Variants in CCBE1 observed in about 807,000 individuals in gnomAD.
CCBE1 encodes collagen and calcium-binding EGF domain-containing protein 1.
In CCBE1, 37 loss-of-function variants were observed where a neutral mutation model predicts 50.0. That is an observed-to-expected ratio of 0.74 (90% CI 0.57 to 0.97). CCBE1 has a LOEUF of 0.97. Ranked by LOEUF, CCBE1 falls within the 50% of genes least tolerant of loss-of-function variation. The pLI is 0.00. For missense variants in CCBE1, 538 were observed against 523.8 expected, an observed-to-expected ratio of 1.03 and a Z score of -0.26; for synonymous variants, 234 against 203.7, an observed-to-expected ratio of 1.15 and a Z score of -1.27.
intron 2 of CCBE1, among the ~76,000 whole-genome samples, chr18:59,674,952 T>C (rs1015934991): frequency 5.9e-5 from 9 of 152,190 alleles, no homozygotes; most frequent in Admixed American, 1.3e-4. Context: ...TTTAATCATA[T>C]CCAGATTTTG....
intron 4 of CCBE1, 41 bp downstream of exon 4, chr18:59,469,432 C>CAACCATCTGA (rs749206000): frequency 2.4e-5 from 38 of 1,612,944 alleles, no homozygotes; most frequent in Non-Finnish European, 3.1e-5. Context: ...CTGAACAAGG[C>CAACCATCTGA]ACATGTTCAG....
chr18:59,627,748 C>T (rs1455608309), intron 2 of CCBE1, among the ~76,000 whole-genome samples: 1 of 152,208 alleles, frequency 6.6e-6, no homozygotes, highest in Non-Finnish European at 1.5e-5. Context: ...CCCCTAGTGC[C>T]TTCAGAGGAA....
intron 2 of CCBE1, among the ~76,000 whole-genome samples, chr18:59,583,143 T>G (rs9963371): frequency 0.018 from 2,720 of 152,278 alleles, 64 homozygotes; most frequent in African/African-American, 0.062. Context: ...AAGGCTAATT[T>G]CTAACCCTGT....
intron 2 of CCBE1, among the ~76,000 whole-genome samples, chr18:59,588,108 A>T (rs1292734465): frequency 6.6e-6 from 1 of 152,258 alleles, no homozygotes; most frequent in East Asian, 1.9e-4. Context: ...ATTTGATGCT[A>T]AAATTTACAT....
chr18:59,615,976 A>G lies in CCBE1; in HGVS notation c.212+80653T>C, dbSNP rs186378065. Reference sequence around the variant, plus strand: ...CCATGGCCATATTGGGATCAAGAGGAAAGTCTAAAGGCATCACAGAATCTC... The same window carrying G: ...CCATGGCCATATTGGGATCAAGAGGGAAGTCTAAAGGCATCACAGAATCTC... On this transcript the variant is annotated intron_variant, in intron 2 of 10. Transcript: ENST00000439986. 3.0e-4 allele frequency among the ~76,000 whole-genome samples: 45 copies of G among 152,336 alleles called. No homozygotes were observed. The East Asian group carries it at 8.1e-3, about 27-fold the overall frequency.
intron 2 of CCBE1, among the ~76,000 whole-genome samples, chr18:59,622,554 G>C (rs1027295849): frequency 2.6e-5 from 4 of 150,944 alleles, no homozygotes; most frequent in African/African-American, 9.8e-5. Context: ...TGTAATCCCA[G>C]CACTTTGGGA....
rs144677102 is a variant in CCBE1, at chr18:59,553,929, G to T, written c.213-73691C>A. Among the ~76,000 whole-genome samples the T allele has an allele frequency of 2.4e-3, 370 of 152,324 alleles. 2 individuals are homozygous for T. Among genetic ancestry groups the T allele is most frequent in the African/African-American group, 8.5e-3 (354 of 41,580 alleles). On this transcript the variant is annotated intron_variant, in intron 2 of 10. Coordinates refer to ENST00000439986, the MANE Select transcript of CCBE1 (RefSeq NM_133459.4). ...CCCTTTCCTTTCAGATTTTAGAGAA[G>T]TCACTGCTGTGGACATAACATCTGG...
chr18:59,687,581 C>T (rs2054673198), intron 2 of CCBE1, among the ~76,000 whole-genome samples: 1 of 152,204 alleles, frequency 6.6e-6, no homozygotes, highest in Non-Finnish European at 1.5e-5. Context: ...CTACTGTTTT[C>T]CACAGTCATT....
chr18:59,524,347 C>A (rs1194140441), intron 2 of CCBE1, among the ~76,000 whole-genome samples: 1 of 152,006 alleles, frequency 6.6e-6, no homozygotes, highest in Admixed American at 6.6e-5. Context: ...AAACGAAAAA[C>A]CCTATTATTC....
intron 2 of CCBE1, among the ~76,000 whole-genome samples, chr18:59,544,794 T>A (rs1944982): frequency 0.21 from 32,340 of 152,164 alleles, 3,652 homozygotes; most frequent in Admixed American, 0.24. Flanking sequence ...TTTTCCATTA[T>A]ACCTTTTAAG....
intron 6 of CCBE1, among the ~76,000 whole-genome samples, chr18:59,448,734 TA>T (rs958776154): frequency 1.3e-5 from 2 of 152,248 alleles, no homozygotes; most frequent in Non-Finnish European, 2.9e-5. Flanking sequence ...TCTGTCTCTC[TA>T]GAGATCTCTA....
At chr18:59,462,089 A>T (rs1911510948) in intron 5 of CCBE1, among the ~76,000 whole-genome samples, 1 of 152,126 alleles carries the variant, frequency 6.6e-6, no homozygotes, top group Non-Finnish European at 1.5e-5. Flanking sequence ...CAATGATATA[A>T]CCAGCAGAAT....
chr18:59,463,776 T>C (rs1911608461), intron 5 of CCBE1, among the ~76,000 whole-genome samples: 1 of 152,214 alleles, frequency 6.6e-6, no homozygotes, highest in Non-Finnish European at 1.5e-5. Context: ...TGCTCAAGCA[T>C]AAGCCTTGGT....
intron 2 of CCBE1, among the ~76,000 whole-genome samples, chr18:59,525,943 C>G (rs1282485147): frequency 6.6e-6 from 1 of 152,124 alleles, no homozygotes; most frequent in Non-Finnish European, 1.5e-5. Context: ...TTCCATTGGT[C>G]TATGTGTCTG....
At chr18:59,466,379 G>A (rs1457454438) in intron 5 of CCBE1, among the ~76,000 whole-genome samples, 2 of 152,040 alleles carry the variant, frequency 1.3e-5, no homozygotes, top group African/African-American at 4.8e-5. Flanking sequence ...ACGTGCCTTT[G>A]CTCCTCCTTT....
chr18:59,489,044 C>T (rs556551168), intron 2 of CCBE1, among the ~76,000 whole-genome samples: 4 of 152,328 alleles, frequency 2.6e-5, no homozygotes, highest in East Asian at 1.9e-4. Context: ...TGTGTTACCA[C>T]GTTCACTCCT....
At chr18:59,564,693 G>A (rs546382929) in intron 2 of CCBE1, among the ~76,000 whole-genome samples, 42 of 152,312 alleles carry the variant, frequency 2.8e-4, no homozygotes, top group African/African-American at 9.9e-4. Context: ...TCCGGACAGA[G>A]GGTGTGTTCA....
chr18:59,511,132 C>T (rs1422759891), intron 2 of CCBE1, among the ~76,000 whole-genome samples: 3 of 152,190 alleles, frequency 2.0e-5, no homozygotes, highest in South Asian at 4.1e-4. Flanking sequence ...ACCCTGACTT[C>T]GTTTTTATGC....
intron 2 of CCBE1, among the ~76,000 whole-genome samples, chr18:59,497,175 G>T (rs978634439): frequency 6.6e-6 from 1 of 152,110 alleles, no homozygotes; most frequent in Admixed American, 6.5e-5. Flanking sequence ...CAATACAGGG[G>T]TTTAAGTATA....
Sources: allele counts gnomAD v4.1 joint callset (sites outside exome capture counted in the v4.1 genomes callset), GRCh38; gene constraint gnomAD v4.1.1; transcripts MANE v1.5; gene names NCBI Gene and HGNC (gene_info 2026-07-23, HGNC 2026-07-21).